Variants in DCAF15 observed in about 807,000 individuals in gnomAD.
DCAF15 encodes the protein DDB1 and CUL4 associated factor 15, also known as DDB1- and CUL4-associated factor 15.
A neutral mutation model predicts 68.0 loss-of-function variants in DCAF15; 24 were observed. That is an observed-to-expected ratio of 0.35 (90% CI 0.26 to 0.50). The LOEUF (loss-of-function observed/expected upper bound fraction) is 0.50, where lower values mean the gene tolerates loss of function less well. Ranked by LOEUF, DCAF15 falls within the 20% of genes least tolerant of loss-of-function variation. DCAF15 has a pLI of 0.98. For synonymous variants in DCAF15, 376 were observed against 341.6 expected, an observed-to-expected ratio of 1.10 and a Z score of -1.11; for missense variants, 627 against 830.6, an observed-to-expected ratio of 0.75 and a Z score of 3.01.
chr19:13,953,119 C>T (rs1260862029), intron 1 of DCAF15: 4 of 1,549,768 alleles, frequency 2.6e-6, no homozygotes, highest in Non-Finnish European at 2.6e-6. Context: ...GTTCCAGTAC[C>T]TGGGTGGGCC....
At position 13,954,329 on chromosome 19, in the gene DCAF15, C is replaced by G; in HGVS notation, c.133-11C>G. On this transcript the variant is annotated splice_polypyrimidine_tract_variant and intron_variant, in intron 1 of 12. Coordinates refer to ENST00000254337, the MANE Select transcript of DCAF15 (RefSeq NM_138353.4). ...ATGGTGCCTGAAGTGCCCTGGCCAC[C>G]CCTTCCCCAGATCAGCGGACAGCTC... The G allele has an allele frequency of 6.2e-7, 1 of 1,611,898 alleles. No individual in the cohort carries two copies. Among genetic ancestry groups the G allele is most frequent in the Non-Finnish European group, 8.5e-7 (1 of 1,179,402 alleles).
intron 6 of DCAF15, among the ~76,000 whole-genome samples, chr19:13,958,014 A>G (rs980527727): frequency 2.0e-5 from 3 of 152,184 alleles, no homozygotes; most frequent in African/African-American, 7.2e-5. Flanking sequence ...GCAGCCCACA[A>G]ATAAGCCAGG....
intron 6 of DCAF15, 66 bp downstream of exon 6, chr19:13,956,588 A>T (rs2145494247): frequency 6.4e-7 from 1 of 1,565,850 alleles, no homozygotes; most frequent in East Asian, 2.3e-5. Flanking sequence ...ACCCCACCAC[A>T]CAGACAAGGG....
intron 1 of DCAF15, 33 bp from the exon 2 acceptor site, chr19:13,954,307 G>C (rs777289700): frequency 6.3e-7 from 1 of 1,590,312 alleles, no homozygotes; most frequent in Non-Finnish European, 8.6e-7. Flanking sequence ...GCTGCAGATG[G>C]TGCCTGAAGT....
At chr19:13,957,455 G>T (rs543007278) in intron 6 of DCAF15, among the ~76,000 whole-genome samples, 1 of 152,324 alleles carries the variant, frequency 6.6e-6, no homozygotes, top group Non-Finnish European at 1.5e-5. Context: ...ACCCTCCCTG[G>T]GGATTGGGGA....
chr19:13,958,598 C>T (rs7256511), intron 6 of DCAF15, among the ~76,000 whole-genome samples: 4,616 of 152,182 alleles, frequency 0.03, 228 homozygotes, highest in African/African-American at 0.11. Flanking sequence ...GAAGTGTGCC[C>T]GCAGTGGTCT....
In DCAF15 at chr19:13,959,296, C is replaced by T. The variant is rs1973492191; in HGVS notation, c.1036C>T (p.Leu346=). The T allele has an allele frequency of 1.9e-6, 3 of 1,609,552 alleles. No individual in the cohort carries two copies. Among genetic ancestry groups the T allele is most frequent in the Non-Finnish European group, 1.7e-6 (2 of 1,179,786 alleles). ...GGVPEEARPA[L]CPGPSGSRCR... ...GGTCCCTGAGGAAGCCCGGCCTGCC[C>T]TGTGCCCAGGACCCTCTGGCAGCCG... is the stretch of plus-strand genomic sequence containing the variant. The change falls in exon 7 of 13, where the codon CTG becomes TTG. Residue 346 remains leucine (L), a synonymous_variant. Transcript: ENST00000254337.
At chr19:13,956,821 G>T (rs1308285540) in intron 6 of DCAF15, among the ~76,000 whole-genome samples, 1 of 152,222 alleles carries the variant, frequency 6.6e-6, no homozygotes, top group Non-Finnish European at 1.5e-5. Flanking sequence ...GAGTCCAGTG[G>T]TGCGATCTTG....
At chr19:13,957,740 C>T (rs1463141179) in intron 6 of DCAF15, among the ~76,000 whole-genome samples, 1 of 152,076 alleles carries the variant, frequency 6.6e-6, no homozygotes. Flanking sequence ...GAAACCCCAT[C>T]TCTAGTAAAA....
At chr19:13,955,562 C>T (rs1213792146) in intron 3 of DCAF15, among the ~76,000 whole-genome samples, 2 of 152,220 alleles carry the variant, frequency 1.3e-5, no homozygotes, top group Non-Finnish European at 2.9e-5. Flanking sequence ...TGGCTTTAGC[C>T]TTGACCCTTG....
At chr19:13,960,683 A>G in intron 12 of DCAF15, 103 bp downstream of exon 12, 1 of 1,222,258 alleles carries the variant, frequency 8.2e-7, no homozygotes, top group South Asian at 1.5e-5. Context: ...AAGGCTGGTG[A>G]GGAGAGGGCA....
rs556978353 is a variant in DCAF15 at position 13,954,390 on chromosome 19, G to A, written c.183G>A (p.Val61=). 431 of 1,613,902 alleles carry A rather than the reference G, an allele frequency of 2.7e-4. 12 individuals are homozygous for A. In the South Asian group the frequency reaches 4.6e-3, roughly 17 times the overall value. Reference sequence around the variant, plus strand: ...TCTTCCGGAAGCTGCCTCCCCGGGTGTGCGTGTCCCTCAAGAACATTGTGG... The same window carrying A: ...TCTTCCGGAAGCTGCCTCCCCGGGTATGCGTGTCCCTCAAGAACATTGTGG... ...PRLFRKLPPR[V]CVSLKNIVDE... The change falls in exon 2 of 13, where the codon GTG becomes GTA. Residue 61 remains valine (V), a synonymous_variant. Transcript: ENST00000254337.
chr19:13,956,887 C>T (rs1973387559), intron 6 of DCAF15, among the ~76,000 whole-genome samples: 1 of 152,254 alleles, frequency 6.6e-6, no homozygotes, highest in South Asian at 2.1e-4. Flanking sequence ...TCCCGAGAAG[C>T]TGGGACTACA....
At position 13,959,401 on chromosome 19, in the gene DCAF15, GCCTCCGAGC is replaced by G; in HGVS notation, c.1143_1151del (p.Ser382_Pro384del). On this transcript the variant is annotated inframe_deletion, in exon 7 of 13. Coordinates refer to ENST00000254337, the MANE Select transcript of DCAF15 (RefSeq NM_138353.4). ...CAGCCCCCCTGCCTCGGAGGCACCT[GCCTCCGAGC>G]CTGGCTATGTCAACTACACCAAGCT... The G allele has an allele frequency of 1.2e-6, 2 of 1,606,816 alleles. No individual in the cohort carries two copies.
rs1973619425 is a variant in DCAF15 at position 13,961,154 on chromosome 19, C to T, written c.*159C>T. ...GCTGGGCAGGGCAGCCTCTGTTGGC[C>T]TGAGGGTCTGGACGCTTTTTATTTA... On this transcript the variant is annotated 3_prime_UTR_variant, in exon 13 of 13. Transcript: ENST00000254337. 2 of 832,170 alleles carry T rather than the reference C, an allele frequency of 2.4e-6. No homozygotes were observed. The highest frequency in any genetic ancestry group is 3.8e-6 in the Non-Finnish European group (2 of 524,450). 51.5% of individuals were successfully genotyped at this position (832,170 alleles called of 1,614,324 possible).
Position 13,959,421 on chromosome 19 carries a change from C to T in DCAF15, c.1161C>T (p.Val387=). The change falls in exon 7 of 13, where the codon GTC becomes GTT. Residue 387 remains valine (V), a synonymous_variant. Transcript: ENST00000254337. The stretch of plus-strand genomic sequence containing the variant: ...CACCTGCCTCCGAGCCTGGCTATGT[C>T]AACTACACCAAGCTGTACTATGTGC... ...SEAPASEPGY[V]NYTKLYYVLE... is the part of the protein sequence containing the mutation. The T allele has an allele frequency of 5.0e-6, 8 of 1,609,172 alleles. No individual in the cohort carries two copies. Among genetic ancestry groups the T allele is most frequent in the Non-Finnish European group, 6.8e-6 (8 of 1,179,846 alleles).
At position 13,952,945 on chromosome 19, in the gene DCAF15, A is replaced by G; in HGVS notation, c.132+301A>G. ...GGCGACCCCAGAGGCCGCAGGGAGA[A>G]TCAGGAGGAAGGGGGCGATCCAGGC... On this transcript the variant is annotated intron_variant, in intron 1 of 12. Transcript: ENST00000254337. 3 of 903,082 alleles carry G rather than the reference A, an allele frequency of 3.3e-6. No individual in the cohort carries two copies. The South Asian group carries it at 5.1e-5, about 15-fold the overall frequency. 55.9% of individuals were successfully genotyped at this position (903,082 alleles called of 1,614,324 possible). A position where few individuals can be genotyped will look rare whatever the true frequency, so the allele number is the denominator to read the frequency against.
At position 13,956,556 on chromosome 19, in the gene DCAF15, G is replaced by A. The variant is rs367659060; in HGVS notation, c.784+34G>A. ...TGCGGTCTCGTGGCCACCCGGCAACGCGTGAAGCGGGTCCTCTCCCTACCC... is the reference window on the plus strand; with the variant it reads ...TGCGGTCTCGTGGCCACCCGGCAACACGTGAAGCGGGTCCTCTCCCTACCC... On this transcript the variant is annotated intron_variant, in intron 6 of 12. Transcript: ENST00000254337. 2.5e-5 allele frequency: 40 copies of A among 1,607,270 alleles called. No homozygotes were observed. In the Admixed American group the frequency reaches 3.8e-4, roughly 15 times the overall value.
At chr19:13,954,775 G>A (rs752923597) in intron 3 of DCAF15, 114 bp downstream of exon 3, 1 of 1,166,942 alleles carries the variant, frequency 8.6e-7, no homozygotes, top group Non-Finnish European at 1.2e-6. Context: ...TACTCCTGGG[G>A]TCATCATCAA....
Sources: allele counts gnomAD v4.1 joint callset (sites outside exome capture counted in the v4.1 genomes callset), GRCh38; gene constraint gnomAD v4.1.1; transcripts MANE v1.5; gene names NCBI Gene and HGNC (gene_info 2026-07-23, HGNC 2026-07-21).